The following DPP6 variants were observed in gnomAD, a reference collection of about 807,000 sequenced individuals.
DPP6 encodes dipeptidyl peptidase like 6, also known as A-type potassium channel modulatory protein DPP6.
DPP6 carries 69 observed loss-of-function variants against 122.6 expected under a neutral mutation model. The observed-to-expected ratio is 0.56, with a 90% CI of 0.46 to 0.69. DPP6 has a LOEUF of 0.69. DPP6 is among the 30% of genes least tolerant of loss of function. The pLI is 0.00. For missense variants in DPP6, 928 were observed against 1,116.9 expected (o/e 0.83, Z 2.41); for synonymous variants, 418 against 433.1 (o/e 0.97, Z 0.43).
At chr7:154,758,314 C>T (rs888226061) in intron 8 of DPP6, among the ~76,000 whole-genome samples, 1 of 152,020 alleles carries the variant, frequency 6.6e-6, no homozygotes, top group Non-Finnish European at 1.5e-5. Context: ...TGTAGGACCA[C>T]ATGCCTTGTA....
At chr7:153,976,467 AG>A (rs1796308013) in intron 1 of DPP6, among the ~76,000 whole-genome samples, 1 of 152,222 alleles carries the variant, frequency 6.6e-6, no homozygotes, top group Non-Finnish European at 1.5e-5. Context: ...TTATCCCTCC[AG>A]GGATCCAGAA....
chr7:154,376,394 C>A (rs182059795), intron 1 of DPP6, among the ~76,000 whole-genome samples: 6 of 152,204 alleles, frequency 3.9e-5, no homozygotes, highest in African/African-American at 1.4e-4. Flanking sequence ...TGCCATTTTC[C>A]TACCCCTGTG....
intron 1 of DPP6, among the ~76,000 whole-genome samples, chr7:154,140,463 GGTTTGTTT>G (rs113495747): frequency 6.6e-6 from 1 of 150,762 alleles, no homozygotes; most frequent in Non-Finnish European, 1.5e-5. Context: ...TTGGTTTTGG[GGTTTGTTT>G]GTTTGTTTAT....
In DPP6 at chr7:154,132,179, C is replaced by G. The variant is rs955124677; in HGVS notation, c.243+79116C>G. Among the ~76,000 whole-genome samples the G allele has an allele frequency of 2.6e-5, 4 of 152,152 alleles. No homozygotes were observed. In the South Asian group the frequency reaches 8.3e-4, roughly 32 times the overall value. On this transcript the variant is annotated intron_variant, in intron 1 of 25. Coordinates refer to ENST00000377770, the MANE Select transcript of DPP6 (RefSeq NM_130797.4). ...CCAGTGAACTCAAATCTTCATCAGCCCTCATTATCAGAAAACTTTGGCTGG... is the reference window on the plus strand; with the variant it reads ...CCAGTGAACTCAAATCTTCATCAGCGCTCATTATCAGAAAACTTTGGCTGG...
chr7:153,762,096 C>T, the DPP6 span, among the ~76,000 whole-genome samples: 2 of 152,298 alleles, frequency 1.3e-5, no homozygotes, highest in South Asian at 4.2e-4. Context: ...TTTTCCGCTT[C>T]CCCACATGAT....
In DPP6 at chr7:154,686,663, A is replaced by G. The variant is rs113403560; in HGVS notation, c.762+17222A>G. ...AGAGGGTGGGTCAGTTATCCAGCAC[A>G]GCATTCCTCACATCCCAGGGGTGTG... On this transcript the variant is annotated intron_variant, in intron 7 of 25. Coordinates refer to ENST00000377770, the MANE Select transcript of DPP6 (RefSeq NM_130797.4). Among the ~76,000 whole-genome samples, 601 of 152,314 alleles carry G rather than the reference A, an allele frequency of 3.9e-3. 6 individuals carry two copies. The highest frequency in any genetic ancestry group is 0.014 in the African/African-American group (580 of 41,568).
At chr7:154,817,061 C>G (rs1377856225) in intron 16 of DPP6, among the ~76,000 whole-genome samples, 1 of 152,176 alleles carries the variant, frequency 6.6e-6, no homozygotes, top group African/African-American at 2.4e-5. Context: ...CCCAGATGCC[C>G]CTCCTACATC....
At chr7:154,856,820 T>C (rs1802875362) in intron 17 of DPP6, among the ~76,000 whole-genome samples, 1 of 152,208 alleles carries the variant, frequency 6.6e-6, no homozygotes, top group African/African-American at 2.4e-5. Flanking sequence ...AGCAAAGAGA[T>C]GGGACCCAGC....
intron 1 of DPP6, among the ~76,000 whole-genome samples, chr7:153,986,562 G>A (rs1430401557): frequency 6.6e-6 from 1 of 152,160 alleles, no homozygotes. Flanking sequence ...CATGCAAGTA[G>A]GGACCAGAGG....
chr7:154,521,996 G>T (rs1298847384), intron 3 of DPP6, among the ~76,000 whole-genome samples: 1 of 151,758 alleles, frequency 6.6e-6, no homozygotes, highest in African/African-American at 2.4e-5. Flanking sequence ...ACGGAGTCTT[G>T]CTCTGTCCCG....
intron 1 of DPP6, among the ~76,000 whole-genome samples, chr7:154,441,665 CAG>C (rs1819384150): frequency 6.6e-6 from 1 of 152,142 alleles, no homozygotes. Flanking sequence ...CATAACCTGA[CAG>C]AGAGGCGTGG....
chr7:154,583,405 A>C (rs2130681839), intron 5 of DPP6, among the ~76,000 whole-genome samples: 1 of 152,294 alleles, frequency 6.6e-6, no homozygotes. Context: ...TTGGTTCCAC[A>C]GGCCCTGGCT....
intron 1 of DPP6, among the ~76,000 whole-genome samples, chr7:154,347,445 TAA>T (rs1810493638): frequency 6.6e-6 from 1 of 152,228 alleles, no homozygotes; most frequent in African/African-American, 2.4e-5. Context: ...ATCTGGCCAT[TAA>T]AGCATAATCT....
At chr7:154,302,142 A>G (rs1328501715) in intron 1 of DPP6, among the ~76,000 whole-genome samples, 1 of 152,176 alleles carries the variant, frequency 6.6e-6, no homozygotes, top group African/African-American at 2.4e-5. Context: ...TTCATCTCAC[A>G]TAATTGAGAC....
chr7:154,547,296 A>G (rs1829275232), intron 4 of DPP6, among the ~76,000 whole-genome samples: 1 of 152,236 alleles, frequency 6.6e-6, no homozygotes, highest in Admixed American at 6.5e-5. Flanking sequence ...GTTTTTGTGT[A>G]CGGTTGAGAG....
At position 154,481,369 on chromosome 7, in the gene DPP6, G is replaced by GTGTGTC. The variant is rs1554564261; in HGVS notation, c.457+6338_457+6343dup. On this transcript the variant is annotated intron_variant, in intron 3 of 25. Coordinates refer to ENST00000377770, the MANE Select transcript of DPP6 (RefSeq NM_130797.4). This position sits in a 1 kb window ranked among gnomAD's most constrained non-coding sequence, Gnocchi z 4.2. ...GGGGTGTGTGTGTGTGTGTGTGTGT[G>GTGTGTC]TGTGTCTGTGTGTGTGTGCATGTCA... Among the ~76,000 whole-genome samples, 1 of 151,666 alleles carries GTGTGTC rather than the reference G, an allele frequency of 6.6e-6. No homozygotes were observed. The highest frequency in any genetic ancestry group is 6.6e-5 in the Admixed American group (1 of 15,242).
intron 1 of DPP6, among the ~76,000 whole-genome samples, chr7:154,371,929 C>T (rs1295314917): frequency 6.6e-6 from 1 of 152,138 alleles, no homozygotes; most frequent in African/African-American, 2.4e-5. Flanking sequence ...GAGGGGCCGT[C>T]GTCCTGGTTT....
At chr7:153,850,634 A>G in the DPP6 span, among the ~76,000 whole-genome samples, 1 of 152,200 alleles carries the variant, frequency 6.6e-6, no homozygotes, top group Non-Finnish European at 1.5e-5. Flanking sequence ...TCACAGTTCC[A>G]CATGGCTGGG....
chr7:154,439,455 T>C (rs917227463), intron 1 of DPP6, among the ~76,000 whole-genome samples: 6 of 152,220 alleles, frequency 3.9e-5, no homozygotes, highest in Non-Finnish European at 5.9e-5. Flanking sequence ...TTTGGAAATA[T>C]ATAGAACAAC....
Sources: gnomAD v4.1 joint callset for allele counts (sites outside exome capture counted in the v4.1 genomes callset) on GRCh38, gnomAD v4.1.1 for gene constraint, Gnocchi (gnomAD v3.1) non-coding constraint, MANE v1.5 for transcripts, NCBI Gene and HGNC (gene_info 2026-07-23, HGNC 2026-07-21) for gene names.